The following KIF13A variants were observed in gnomAD, a reference collection of about 807,000 sequenced individuals.
The protein encoded by KIF13A is kinesin-like protein KIF13A.
KIF13A carries 79 observed loss-of-function variants against 212.2 expected under a neutral mutation model. The observed-to-expected ratio is 0.37, with a 90% CI of 0.31 to 0.45. KIF13A has a LOEUF of 0.45. KIF13A is among the 20% of genes least tolerant of loss of function. The pLI is 1.00. For missense variants in KIF13A, 1,901 were observed against 2,209.0 expected, an observed-to-expected ratio of 0.86 and a Z score of 2.79; for synonymous variants, 789 against 808.6, an observed-to-expected ratio of 0.98 and a Z score of 0.41.
intron 3 of KIF13A, among the ~76,000 whole-genome samples, chr6:17,882,672 T>C (rs1384752381): frequency 1.3e-5 from 2 of 151,930 alleles, no homozygotes; most frequent in African/African-American, 4.8e-5. Flanking sequence ...AGCGATTCCC[T>C]TGCCTCAGCC....
chr6:17,907,552 G>GGAA (rs1773626184), intron 2 of KIF13A, among the ~76,000 whole-genome samples: 1 of 148,932 alleles, frequency 6.7e-6, no homozygotes, highest in African/African-American at 2.5e-5. Context: ...AGGCATTTAT[G>GGAA]GAAAAAAAAA....
intron 16 of KIF13A, among the ~76,000 whole-genome samples, chr6:17,823,546 C>A (rs1414009274): frequency 6.6e-6 from 1 of 151,762 alleles, no homozygotes; most frequent in African/African-American, 2.4e-5. Flanking sequence ...TGGCTCACTG[C>A]AACCTCCGCC....
rs759509689 is a variant in KIF13A, at chr6:17,796,742, G to T, written c.2869C>A (p.Arg957=). Residue 957 remains arginine (R), a synonymous_variant, in exon 23 of 39, where the codon CGG becomes AGG. Coordinates refer to ENST00000259711, the MANE Select transcript of KIF13A (RefSeq NM_022113.6). The part of the protein sequence containing the change: ...GALAIEVWGH[R]CAGNGSSIWE... ...ATGGAGCTGCCATTTCCAGCACACC[G>T]GTGGCCCCATACTTCAATGGCCAGT... 1.3e-6 allele frequency: 2 copies of T among 1,593,114 alleles called. No individual in the cohort carries two copies. Among genetic ancestry groups the T allele is most frequent in the Non-Finnish European group, 1.7e-6 (2 of 1,168,940 alleles).
In KIF13A at chr6:17,770,361, A is replaced by ATT. The variant is rs200616640; in HGVS notation, c.4581+751_4581+752dup. 93 of 119,448 alleles carry ATT rather than the reference A, an allele frequency of 7.8e-4. 1 individual carries two copies. The highest frequency in any genetic ancestry group is 2.2e-3 in the African/African-American group (74 of 33,960). The allele number at this position is 119,448 out of a possible 1,614,324, so 7.4% of individuals were successfully genotyped here. On this transcript the variant is annotated intron_variant, in intron 38 of 38. Coordinates refer to ENST00000259711, the MANE Select transcript of KIF13A (RefSeq NM_022113.6). The stretch of plus-strand genomic sequence containing the variant: ...CTTTCCAGGCTTGAGAATAAACAGG[A>ATT]TTTTTTTTTTTTTTTTTTTTTTTGT...
In KIF13A at chr6:17,773,388, CTTA is replaced by C. The variant is rs1337183640; in HGVS notation, c.4324+87_4324+89del. On this transcript the variant is annotated intron_variant, in intron 36 of 38. Coordinates refer to ENST00000259711, the MANE Select transcript of KIF13A (RefSeq NM_022113.6). The surrounding 1 kb of genome is among the most constrained non-coding windows in gnomAD (Gnocchi z 4.2). ...GTTAACTAGAATATCAGCTTCATAT[CTTA>C]TTATATGCCATTAATGAAAGACATT... 8 of 680,658 alleles carry C rather than the reference CTTA, an allele frequency of 1.2e-5. No homozygotes were observed. Among genetic ancestry groups the C allele is most frequent in the Non-Finnish European group, 2.1e-5 (8 of 388,032 alleles). The allele number at this position is 680,658 out of a possible 1,614,324, so 42.2% of individuals were successfully genotyped here. A position where few individuals can be genotyped will look rare whatever the true frequency, so the allele number is the denominator to read the frequency against.
intron 2 of KIF13A, among the ~76,000 whole-genome samples, chr6:17,981,407 A>G (rs1288441566): frequency 2.0e-5 from 3 of 150,648 alleles, no homozygotes; most frequent in African/African-American, 7.3e-5. Context: ...AATTACTTTT[A>G]GTTTTGTTTT....
At chr6:17,878,531 T>C (rs953260969) in intron 3 of KIF13A, among the ~76,000 whole-genome samples, 1 of 152,122 alleles carries the variant, frequency 6.6e-6, no homozygotes, top group African/African-American at 2.4e-5. Context: ...TCCTCCTGTC[T>C]TGGCTTCCCA....
intron 2 of KIF13A, among the ~76,000 whole-genome samples, chr6:17,907,880 T>A (rs1404340742): frequency 6.6e-6 from 1 of 151,964 alleles, no homozygotes; most frequent in African/African-American, 2.4e-5. Context: ...TTGCCACAGA[T>A]GGTTTGCGCA....
rs1766041800 is a variant in KIF13A, at chr6:17,837,162, G to A, written c.943-72C>T. 2.3e-6 allele frequency: 3 copies of A among 1,283,208 alleles called. No homozygotes were observed. The highest frequency in any genetic ancestry group is 3.4e-6 in the Non-Finnish European group (3 of 891,366). The allele number at this position is 1,283,208 out of a possible 1,614,324, so 79.5% of individuals were successfully genotyped here. A position where few individuals can be genotyped will look rare whatever the true frequency, so the allele number is the denominator to read the frequency against. Reference sequence around the variant, plus strand: ...AACACATATGATAAAAGCACTAAATGTGTTAGGTATGACATTATTCTCTAT... The same window carrying A: ...AACACATATGATAAAAGCACTAAATATGTTAGGTATGACATTATTCTCTAT... On this transcript the variant is annotated intron_variant, in intron 10 of 38. Transcript: ENST00000259711. This position sits in a 1 kb window ranked among gnomAD's most constrained non-coding sequence, Gnocchi z 5.4.
At chr6:17,940,385 G>T (rs1320070256) in intron 2 of KIF13A, among the ~76,000 whole-genome samples, 1 of 152,162 alleles carries the variant, frequency 6.6e-6, no homozygotes, top group African/African-American at 2.4e-5. Flanking sequence ...TGATCCACAA[G>T]GGATTCGAGC....
chr6:17,796,512 T>C (rs954915356), intron 23 of KIF13A, among the ~76,000 whole-genome samples, 157 bp downstream of exon 23: 1 of 151,288 alleles, frequency 6.6e-6, no homozygotes, highest in Non-Finnish European at 1.5e-5. Context: ...AAGTGCTGGA[T>C]TACAGGCATG....
chr6:17,777,213 C>A lies in KIF13A; in HGVS notation c.4170+64G>T. 1.5e-6 allele frequency: 2 copies of A among 1,330,312 alleles called. No individual in the cohort carries two copies. The highest frequency in any genetic ancestry group is 2.1e-6 in the Non-Finnish European group (2 of 939,468). 82.4% of individuals were successfully genotyped at this position (1,330,312 alleles called of 1,614,324 possible). A position where few individuals can be genotyped will look rare whatever the true frequency, so the allele number is the denominator to read the frequency against. ...TCTACTGCCACTGTGTGAATCCCAC[C>A]TTCCCCCACCCCAGAGGCTGCGACA... On this transcript the variant is annotated intron_variant, in intron 34 of 38. Coordinates refer to ENST00000259711, the MANE Select transcript of KIF13A (RefSeq NM_022113.6). The surrounding 1 kb of genome is among the most constrained non-coding windows in gnomAD (Gnocchi z 4.4).
rs1444154150 is a variant in KIF13A at position 17,919,529 on chromosome 6, C to A, written c.147-21349G>T. 1.3e-5 allele frequency among the ~76,000 whole-genome samples: 2 copies of A among 152,170 alleles called. No individual in the cohort carries two copies. Among genetic ancestry groups the A allele is most frequent in the Non-Finnish European group, 2.9e-5 (2 of 68,032 alleles). ...CAGAGACTTCAACCCTCCTATATATCCAGAGTAAGAAAGCTGTGAGTATCA... is the reference window on the plus strand; with the variant it reads ...CAGAGACTTCAACCCTCCTATATATACAGAGTAAGAAAGCTGTGAGTATCA... On this transcript the variant is annotated intron_variant, in intron 2 of 38. Coordinates refer to ENST00000259711, the MANE Select transcript of KIF13A (RefSeq NM_022113.6). The surrounding 1 kb of genome is among the most constrained non-coding windows in gnomAD (Gnocchi z 4.1).
rs1283859631 is a variant in KIF13A at position 17,872,524 on chromosome 6, C to G, written c.220+853G>C. Among the ~76,000 whole-genome samples the G allele has an allele frequency of 6.6e-6, 1 of 152,198 alleles. No individual in the cohort carries two copies. The highest frequency in any genetic ancestry group is 2.4e-5 in the African/African-American group (1 of 41,444). On this transcript the variant is annotated intron_variant, in intron 4 of 38. Transcript: ENST00000259711. The surrounding 1 kb of genome is among the most constrained non-coding windows in gnomAD (Gnocchi z 4.7). Reference sequence around the variant, plus strand: ...TTCTTACCACAAAAAAGGATAAGTTCATGAGGTAAAGCATGTGTTAATTAG... The same window carrying G: ...TTCTTACCACAAAAAAGGATAAGTTGATGAGGTAAAGCATGTGTTAATTAG...
chr6:17,805,682 T>C (rs1340136569), intron 18 of KIF13A, 67 bp from the exon 19 acceptor site: 4 of 1,385,864 alleles, frequency 2.9e-6, no homozygotes, highest in Admixed American at 2.3e-5. Flanking sequence ...AAGCAATATA[T>C]ATACAACAGT....
In KIF13A at chr6:17,834,966, G is replaced by A. The variant is rs1191988496; in HGVS notation, c.1156-895C>T. 6.6e-6 allele frequency among the ~76,000 whole-genome samples: 1 copy of A among 151,976 alleles called. No individual in the cohort carries two copies. Among genetic ancestry groups the A allele is most frequent in the Non-Finnish European group, 1.5e-5 (1 of 68,006 alleles). On this transcript the variant is annotated intron_variant, in intron 11 of 38. Coordinates refer to ENST00000259711, the MANE Select transcript of KIF13A (RefSeq NM_022113.6). The surrounding 1 kb of genome is among the most constrained non-coding windows in gnomAD (Gnocchi z 4.0). ...CCAACAGTTTGGGAGGCTGAGGTGG[G>A]TGAATCACTTGAGACCAGCCTGGCT...
intron 14 of KIF13A, among the ~76,000 whole-genome samples, chr6:17,827,693 T>G (rs747961637): frequency 2.0e-5 from 3 of 151,946 alleles, no homozygotes; most frequent in Admixed American, 6.6e-5. Context: ...AATTTTCTTA[T>G]TTATTTTCTG....
intron 9 of KIF13A, among the ~76,000 whole-genome samples, chr6:17,846,041 C>CTTTTTT (rs34232861): frequency 1.0e-3 from 83 of 83,242 alleles, no homozygotes; most frequent in African/African-American, 1.2e-3. Flanking sequence ...GGAACTCAAC[C>CTTTTTT]TTTTTTTTTT....
chr6:17,874,064 G>GC (rs1283710690), intron 3 of KIF13A, among the ~76,000 whole-genome samples: 2 of 151,848 alleles, frequency 1.3e-5, no homozygotes, highest in Non-Finnish European at 2.9e-5. Flanking sequence ...ATCTTCTCTC[G>GC]CAAGTCCATG....
Sources: gnomAD v4.1 joint callset for allele counts (sites outside exome capture counted in the v4.1 genomes callset) on GRCh38, gnomAD v4.1.1 for gene constraint, Gnocchi (gnomAD v3.1) non-coding constraint, MANE v1.5 for transcripts, NCBI Gene and HGNC (gene_info 2026-07-23, HGNC 2026-07-21) for gene names.